The following RGL1 variants were observed in gnomAD, a reference collection of about 807,000 sequenced individuals.
RGL1 encodes the protein ral guanine nucleotide dissociation stimulator like 1.
A neutral mutation model predicts 95.2 loss-of-function variants in RGL1; 24 were observed. That is an observed-to-expected ratio of 0.25 (90% CI 0.18 to 0.35). The LOEUF (loss-of-function observed/expected upper bound fraction) is 0.35. Ranked by LOEUF, RGL1 falls within the 10% of genes least tolerant of loss-of-function variation. The probability of loss-of-function intolerance (pLI) is 1.00; values close to 1 mark genes in which losing one functional copy is unlikely to be tolerated. For missense variants in RGL1, 715 were observed against 936.3 expected, an observed-to-expected ratio of 0.76 and a Z score of 3.08; for synonymous variants, 329 against 344.9, an observed-to-expected ratio of 0.95 and a Z score of 0.51.
At chr1:183,916,299 C>A in intron 15 of RGL1, 148 bp from the exon 16 acceptor site, 1 of 939,674 alleles carries the variant, frequency 1.1e-6, no homozygotes, top group Non-Finnish European at 1.6e-6. Context: ...GTACTTACAC[C>A]AGGGATGAGA....
At chr1:183,914,873 A>G (rs1668865992) in intron 15 of RGL1, among the ~76,000 whole-genome samples, 1 of 152,234 alleles carries the variant, frequency 6.6e-6, no homozygotes, top group Non-Finnish European at 1.5e-5. Context: ...AAATTGAATG[A>G]ATAATTGGAA....
intron 4 of RGL1, among the ~76,000 whole-genome samples, 176 bp from the exon 5 acceptor site, chr1:183,880,440 G>A (rs912429526): frequency 2.2e-4 from 34 of 152,148 alleles, no homozygotes; most frequent in South Asian, 6.2e-4. Context: ...ATAAAGTTTA[G>A]TTTGTTTTCA....
chr1:183,870,113 C>G (rs1666077794), intron 4 of RGL1, among the ~76,000 whole-genome samples: 1 of 152,188 alleles, frequency 6.6e-6, no homozygotes, highest in Non-Finnish European at 1.5e-5. Flanking sequence ...GAGCAACACA[C>G]TGTTTTAATG....
chr1:183,849,056 G>C (rs1367475255), intron 3 of RGL1, among the ~76,000 whole-genome samples: 1 of 151,838 alleles, frequency 6.6e-6, no homozygotes, highest in Admixed American at 6.6e-5. Context: ...ACAGTACATA[G>C]TCTGTTCTGC....
chr1:183,875,025 G>C (rs1382918541), intron 4 of RGL1, among the ~76,000 whole-genome samples: 1 of 152,140 alleles, frequency 6.6e-6, no homozygotes, highest in South Asian at 2.1e-4. Context: ...AAGGCCCACC[G>C]TCTGCGTAAA....
intron 2 of RGL1, among the ~76,000 whole-genome samples, chr1:183,770,418 A>C (rs1056700698): frequency 6.6e-6 from 1 of 152,176 alleles, no homozygotes; most frequent in African/African-American, 2.4e-5. Context: ...TGGCCCATGC[A>C]TTCCCAATAA....
At chr1:183,888,221 T>C (rs958748244) in intron 7 of RGL1, among the ~76,000 whole-genome samples, 1 of 152,164 alleles carries the variant, frequency 6.6e-6, no homozygotes, top group Non-Finnish European at 1.5e-5. Context: ...AGCTGGAAAC[T>C]ATAAAACTGT....
intron 8 of RGL1, among the ~76,000 whole-genome samples, chr1:183,891,170 C>T (rs1667394770): frequency 6.6e-6 from 1 of 152,056 alleles, no homozygotes; most frequent in Admixed American, 6.6e-5. Context: ...AGTAATATTA[C>T]ACTCACTATA....
chr1:183,770,444 T>TTACC (rs1659215267), intron 2 of RGL1, among the ~76,000 whole-genome samples: 1 of 152,156 alleles, frequency 6.6e-6, no homozygotes, highest in Admixed American at 6.5e-5. Context: ...CCAAAATCTG[T>TTACC]TACCAAAACA....
At chr1:183,769,255 A>G (rs1659156678) in intron 2 of RGL1, among the ~76,000 whole-genome samples, 1 of 152,244 alleles carries the variant, frequency 6.6e-6, no homozygotes, top group Non-Finnish European at 1.5e-5. Context: ...AACCAACAAC[A>G]TTAAATTAGT....
intron 17 of RGL1, among the ~76,000 whole-genome samples, chr1:183,924,150 A>G (rs915388365): frequency 7.7e-5 from 11 of 142,276 alleles, no homozygotes; most frequent in Admixed American, 7.6e-4. Flanking sequence ...TCATTCTGCT[A>G]TAAAGACACA....
At position 183,913,266 on chromosome 1, in the gene RGL1, G is replaced by A. The variant is rs140769380; in HGVS notation, c.1749+998G>A. On this transcript the variant is annotated intron_variant, in intron 15 of 17. Transcript: ENST00000360851. ...GCTGGAATGCAGTGGTACGATCTTG[G>A]CTCACTACAACCTCTGTCTTCTGGG... Among the ~76,000 whole-genome samples, 1,035 of 131,772 alleles carry A rather than the reference G, an allele frequency of 7.9e-3. 14 individuals are homozygous for A. The highest frequency in any genetic ancestry group is 0.028 in the African/African-American group (957 of 34,306). The allele number at this position is 131,772 out of a possible 152,430, so 86.4% of individuals were successfully genotyped here. A position where few individuals can be genotyped will look rare whatever the true frequency, so the allele number is the denominator to read the frequency against.
chr1:183,920,853 T>C (rs1669273345), intron 16 of RGL1, among the ~76,000 whole-genome samples: 1 of 152,198 alleles, frequency 6.6e-6, no homozygotes, highest in East Asian at 1.9e-4. Context: ...GCACATTGTT[T>C]ATGGAATCAC....
chr1:183,822,994 A>G (rs1662593925), intron 2 of RGL1, among the ~76,000 whole-genome samples: 1 of 152,198 alleles, frequency 6.6e-6, no homozygotes, highest in African/African-American at 2.4e-5. Context: ...CTCAAATTCT[A>G]GCTCAAATGT....
At chr1:183,749,144 T>C (rs1418660032) in intron 2 of RGL1, among the ~76,000 whole-genome samples, 1 of 152,210 alleles carries the variant, frequency 6.6e-6, no homozygotes, top group Non-Finnish European at 1.5e-5. Flanking sequence ...GTCCGCTTGG[T>C]CCAGAGCTGA....
At chr1:183,887,590 C>A (rs1354650201) in intron 7 of RGL1, among the ~76,000 whole-genome samples, 2 of 152,050 alleles carry the variant, frequency 1.3e-5, no homozygotes, top group Non-Finnish European at 2.9e-5. Flanking sequence ...AAGGCCTGGT[C>A]CAGTCTCCTC....
intron 1 of RGL1, among the ~76,000 whole-genome samples, chr1:183,674,173 C>A (rs946838298): frequency 6.6e-6 from 1 of 152,092 alleles, no homozygotes; most frequent in African/African-American, 2.4e-5. Flanking sequence ...GCTCAGGATT[C>A]ACATTTCTAG....
intron 1 of RGL1, among the ~76,000 whole-genome samples, chr1:183,690,654 C>T (rs892256771): frequency 3.3e-5 from 5 of 151,684 alleles, no homozygotes; most frequent in African/African-American, 1.2e-4. Flanking sequence ...CCCATTGTTG[C>T]CCAAATGAAA....
upstream of RGL1, among the ~76,000 whole-genome samples, chr1:183,802,328 T>A (rs1424332859): frequency 6.6e-6 from 1 of 152,220 alleles, no homozygotes; most frequent in Non-Finnish European, 1.5e-5. Context: ...CATAAAGTTT[T>A]GATTACTGTG....
Sources: allele counts gnomAD v4.1 joint callset (sites outside exome capture counted in the v4.1 genomes callset), GRCh38; gene constraint gnomAD v4.1.1; transcripts MANE v1.5; gene names NCBI Gene and HGNC (gene_info 2026-07-23, HGNC 2026-07-21).